PPP3CA: variants seen among roughly 807,000 people sequenced by gnomAD.
The protein encoded by PPP3CA is protein phosphatase 3 catalytic subunit alpha.
In PPP3CA, 14 loss-of-function variants were observed where a neutral mutation model predicts 66.5. The observed-to-expected ratio is 0.21, with a 90% CI of 0.14 to 0.33. PPP3CA has a LOEUF of 0.33. Ranked by LOEUF, PPP3CA falls within the 10% of genes least tolerant of loss-of-function variation. The probability of loss-of-function intolerance (pLI) is 1.00; values close to 1 mark genes in which losing one functional copy is unlikely to be tolerated. For missense variants in PPP3CA, 317 were observed against 639.5 expected (o/e 0.50, Z 5.44); for synonymous variants, 232 against 226.2 (o/e 1.03, Z -0.23).
At chr4:101,209,165 C>A (rs1399554666) in intron 1 of PPP3CA, among the ~76,000 whole-genome samples, 1 of 151,790 alleles carries the variant, frequency 6.6e-6, no homozygotes, top group Non-Finnish European at 1.5e-5. Context: ...TTTTAACAGT[C>A]CAAAATGCAA....
chr4:101,262,863 T>C (rs186101981), intron 1 of PPP3CA, among the ~76,000 whole-genome samples: 1 of 152,274 alleles, frequency 6.6e-6, no homozygotes, highest in East Asian at 1.9e-4. Context: ...TGTATTAAGC[T>C]TTACACACAT....
chr4:101,046,042 T>A (rs530307137), intron 10 of PPP3CA, among the ~76,000 whole-genome samples: 8 of 152,200 alleles, frequency 5.3e-5, no homozygotes, highest in Non-Finnish European at 2.9e-5. Flanking sequence ...GAAGTCTCTA[T>A]GTCCTGCCCT....
At chr4:101,226,598 A>T (rs1429142435) in intron 1 of PPP3CA, among the ~76,000 whole-genome samples, 2 of 151,712 alleles carry the variant, frequency 1.3e-5, no homozygotes, top group Non-Finnish European at 2.9e-5. Flanking sequence ...TGAAGTTCCA[A>T]ATGCACAACT....
chr4:101,266,328 AG>A (rs1469184113), intron 1 of PPP3CA, among the ~76,000 whole-genome samples: 4 of 152,174 alleles, frequency 2.6e-5, no homozygotes, highest in Non-Finnish European at 5.9e-5. Context: ...TTACATCATA[AG>A]TATTTACATC....
At chr4:101,305,202 C>T (rs1262079938) in intron 1 of PPP3CA, among the ~76,000 whole-genome samples, 1 of 152,182 alleles carries the variant, frequency 6.6e-6, no homozygotes, top group Non-Finnish European at 1.5e-5. Context: ...CAAAATGTTT[C>T]TGGGCATCTA....
At chr4:101,110,190 C>T (rs1430759032) in intron 2 of PPP3CA, among the ~76,000 whole-genome samples, 1 of 152,110 alleles carries the variant, frequency 6.6e-6, no homozygotes. Flanking sequence ...AAGAGTTACA[C>T]AGAATGAACG....
At chr4:101,342,253 C>T (rs550907590) in intron 1 of PPP3CA, among the ~76,000 whole-genome samples, 1 of 152,224 alleles carries the variant, frequency 6.6e-6, no homozygotes, top group Admixed American at 6.5e-5. Flanking sequence ...AGGGTTCTAT[C>T]CCACACTTCT....
chr4:101,200,463 A>T (rs1266961964), intron 1 of PPP3CA, among the ~76,000 whole-genome samples: 1 of 152,154 alleles, frequency 6.6e-6, no homozygotes, highest in African/African-American at 2.4e-5. Flanking sequence ...ATGTATAAAA[A>T]TATGCCAATG....
At chr4:101,121,118 AT>A (rs1248386671) in intron 2 of PPP3CA, among the ~76,000 whole-genome samples, 4 of 152,112 alleles carry the variant, frequency 2.6e-5, no homozygotes, top group Non-Finnish European at 5.9e-5. Flanking sequence ...ATTTAGTTAA[AT>A]TTTTGTCAAT....
intron 1 of PPP3CA, among the ~76,000 whole-genome samples, chr4:101,304,450 T>C (rs541830323): frequency 1.6e-4 from 24 of 152,284 alleles, no homozygotes; most frequent in African/African-American, 5.8e-4. Context: ...GTTGGTAGAT[T>C]TTACTTCCTG....
chr4:101,317,988 A>G (rs1300906740), intron 1 of PPP3CA, among the ~76,000 whole-genome samples: 1 of 152,230 alleles, frequency 6.6e-6, no homozygotes, highest in Non-Finnish European at 1.5e-5. Flanking sequence ...AGTACCAGAT[A>G]AATGTAATCA....
At chr4:101,302,052 T>C (rs1728395824) in intron 1 of PPP3CA, among the ~76,000 whole-genome samples, 1 of 152,176 alleles carries the variant, frequency 6.6e-6, no homozygotes, top group African/African-American at 2.4e-5. Flanking sequence ...TTTTAGATAC[T>C]AGTTTTACTG....
At position 101,147,658 on chromosome 4, in the gene PPP3CA, C is replaced by A. The variant is rs553785438; in HGVS notation, c.260-38580G>T. Among the ~76,000 whole-genome samples the A allele has an allele frequency of 7.9e-5, 12 of 152,166 alleles. No homozygotes were observed. In the South Asian group the frequency reaches 2.1e-3, roughly 26 times the overall value. ...TGTAATGCATTCAATTCATTTGCTA[C>A]AATTGCTAATTTTTTCCTTGTTCAT... On this transcript the variant is annotated intron_variant, in intron 2 of 13. Coordinates refer to ENST00000394854, the MANE Select transcript of PPP3CA (RefSeq NM_000944.5).
chr4:101,048,477 T>C (rs1727864368), intron 10 of PPP3CA, among the ~76,000 whole-genome samples: 1 of 126,196 alleles, frequency 7.9e-6, no homozygotes, highest in Non-Finnish European at 1.5e-5. Context: ...GTGCAGTCAA[T>C]GTGAATCCAG....
intron 1 of PPP3CA, among the ~76,000 whole-genome samples, chr4:101,328,511 C>T (rs1317195022): frequency 6.6e-6 from 1 of 152,186 alleles, no homozygotes; most frequent in Non-Finnish European, 1.5e-5. Context: ...CTTGAAGTGG[C>T]TTTCACTTTA....
intron 1 of PPP3CA, among the ~76,000 whole-genome samples, chr4:101,338,671 G>T (rs541190409): frequency 1.3e-5 from 2 of 152,270 alleles, no homozygotes; most frequent in South Asian, 2.1e-4. Context: ...CTAAGTGAAG[G>T]TGTCAGGAGA....
chr4:101,266,943 G>A (rs1000251628), intron 1 of PPP3CA, among the ~76,000 whole-genome samples: 1 of 152,184 alleles, frequency 6.6e-6, no homozygotes, highest in Non-Finnish European at 1.5e-5. Flanking sequence ...GCCAAATTCT[G>A]TAGGAGCATG....
Position 101,346,997 on chromosome 4 carries a change from ACTC to A in PPP3CA, c.-204_-202del, listed in dbSNP as rs1730030671. ...TCCCTCCTCCGCCGCCGCCGCCTTC[ACTC>A]CTCCTCCGCCGCTGCCGCCAGCCCC... On this transcript the variant is annotated 5_prime_UTR_variant, in exon 1 of 14. Transcript: ENST00000394854. 1.7e-6 allele frequency: 1 copy of A among 598,688 alleles called. No individual in the cohort carries two copies. The allele number at this position is 598,688 out of a possible 1,614,324, so 37.1% of individuals were successfully genotyped here. A position where few individuals can be genotyped will look rare whatever the true frequency, so the allele number is the denominator to read the frequency against.
intron 1 of PPP3CA, among the ~76,000 whole-genome samples, chr4:101,215,720 C>T (rs1458188208): frequency 2.0e-5 from 3 of 152,054 alleles, no homozygotes; most frequent in Non-Finnish European, 4.4e-5. Flanking sequence ...ATCATGTAAG[C>T]ATTTAAAAAA....
Sources: gnomAD v4.1 joint callset for allele counts (sites outside exome capture counted in the v4.1 genomes callset) on GRCh38, gnomAD v4.1.1 for gene constraint, MANE v1.5 for transcripts, NCBI Gene and HGNC (gene_info 2026-07-23, HGNC 2026-07-21) for gene names.